Variants in CELF2 observed in about 807,000 individuals in gnomAD.
CELF2 encodes the protein CUG triplet repeat RNA-binding protein 2.
In CELF2, 8 loss-of-function variants were observed where a neutral mutation model predicts 62.6. That is an observed-to-expected ratio of 0.13 (90% CI 0.07 to 0.23). CELF2 has a LOEUF of 0.23. Ranked by LOEUF, CELF2 falls within the 10% of genes least tolerant of loss-of-function variation. The pLI is 1.00. For missense variants in CELF2, 333 were observed against 671.0 expected, an observed-to-expected ratio of 0.50 and a Z score of 5.56; for synonymous variants, 258 against 250.0, an observed-to-expected ratio of 1.03 and a Z score of -0.30.
At chr10:11,099,344 A>G (rs996464871) in intron 1 of CELF2, among the ~76,000 whole-genome samples, 1 of 152,212 alleles carries the variant, frequency 6.6e-6, no homozygotes, top group African/African-American at 2.4e-5. Flanking sequence ...AGTCACAAAA[A>G]CATTCGTATT....
At chr10:10,980,908 A>G (rs2052012429) in intron 2 of CELF2, among the ~76,000 whole-genome samples, 1 of 152,182 alleles carries the variant, frequency 6.6e-6, no homozygotes, top group South Asian at 2.1e-4. Flanking sequence ...GGCATGAGCC[A>G]CCACACACAG....
At chr10:10,521,509 T>G in the CELF2 span, among the ~76,000 whole-genome samples, 1 of 152,224 alleles carries the variant, frequency 6.6e-6, no homozygotes, top group Non-Finnish European at 1.5e-5. Flanking sequence ...CTCCATGTCA[T>G]GCACTAGGCT....
Position 11,334,914 on chromosome 10 carries a change from T to A in CELF2, c.*5861T>A, listed in dbSNP as rs749241332. ...GTTGCCCTCAATCAAAAGATATGTATAGAAAAGTCATTTAAATTATTTATT... is the reference window on the plus strand; with the variant it reads ...GTTGCCCTCAATCAAAAGATATGTAAAGAAAAGTCATTTAAATTATTTATT... On this transcript the variant is annotated 3_prime_UTR_variant, in exon 13 of 13. Coordinates refer to ENST00000633077, the MANE Select transcript of CELF2 (RefSeq NM_001326342.2). The A allele has an allele frequency of 6.6e-6, 1 of 152,228 alleles. No individual in the cohort carries two copies. The highest frequency in any genetic ancestry group is 2.4e-5 in the African/African-American group (1 of 41,456). 9.4% of individuals were successfully genotyped at this position (152,228 alleles called of 1,614,324 possible). A position where few individuals can be genotyped will look rare whatever the true frequency, so the allele number is the denominator to read the frequency against.
chr10:10,976,722 A>G (rs1293521590), intron 2 of CELF2, among the ~76,000 whole-genome samples: 1 of 152,140 alleles, frequency 6.6e-6, no homozygotes, highest in Non-Finnish European at 1.5e-5. Context: ...TAAGCTTGCA[A>G]TTCAAACCAC....
chr10:10,793,969 C>CT (rs1230908961), upstream of CELF2, among the ~76,000 whole-genome samples: 10 of 148,346 alleles, frequency 6.7e-5, no homozygotes, highest in Admixed American at 1.3e-4. Context: ...ACAATGTTTT[C>CT]TTTTTTTTGT....
chr10:11,140,648 G>T (rs904603317), intron 1 of CELF2, among the ~76,000 whole-genome samples: 1 of 152,004 alleles, frequency 6.6e-6, no homozygotes, highest in South Asian at 2.1e-4. Flanking sequence ...TATAAATTTC[G>T]CTATTTAAGA....
intron 1 of CELF2, among the ~76,000 whole-genome samples, chr10:10,857,321 C>G (rs1054409856): frequency 6.6e-6 from 1 of 151,876 alleles, no homozygotes; most frequent in African/African-American, 2.4e-5. Flanking sequence ...CAACCAGATG[C>G]AGTGAAAAGA....
chr10:11,055,615 A>C (rs1247447760), intron 1 of CELF2, among the ~76,000 whole-genome samples: 3 of 152,190 alleles, frequency 2.0e-5, no homozygotes, highest in African/African-American at 4.8e-5. Flanking sequence ...TCTAAACCTG[A>C]TATTCTGTGC....
chr10:10,567,673 T>A, the CELF2 span, among the ~76,000 whole-genome samples: 1 of 152,106 alleles, frequency 6.6e-6, no homozygotes, highest in African/African-American at 2.4e-5. Flanking sequence ...GATGCCTGAA[T>A]CTTGACCAGT....
chr10:10,688,741 C>A, the CELF2 span, among the ~76,000 whole-genome samples: 1 of 152,046 alleles, frequency 6.6e-6, no homozygotes, highest in South Asian at 2.1e-4. Context: ...GGCTCAGTGG[C>A]TCATGCCTGT....
the CELF2 span, among the ~76,000 whole-genome samples, chr10:10,756,561 C>T: frequency 5.3e-5 from 8 of 152,258 alleles, no homozygotes; most frequent in South Asian, 4.2e-4. Context: ...CACTGAACAT[C>T]AGGGATCCCT....
At position 11,237,555 on chromosome 10, in the gene CELF2, A is replaced by C. The variant is rs1320833587; in HGVS notation, c.355-11598A>C. On this transcript the variant is annotated intron_variant, in intron 3 of 12. Transcript: ENST00000633077. The surrounding 1 kb of genome is among the most constrained non-coding windows in gnomAD (Gnocchi z 4.0). The stretch of plus-strand genomic sequence containing the variant: ...TTCCCAATTTGAGGCCAGCACATGT[A>C]CCAGGTCGTCAAGGGGAGCCCAGGT... 6.6e-6 allele frequency among the ~76,000 whole-genome samples: 1 copy of C among 152,188 alleles called. No individual in the cohort carries two copies. The highest frequency in any genetic ancestry group is 1.5e-5 in the Non-Finnish European group (1 of 68,038).
At chr10:10,680,144 C>CGTATGTATGTAT in the CELF2 span, among the ~76,000 whole-genome samples, 42 of 150,648 alleles carry the variant, frequency 2.8e-4, no homozygotes, top group African/African-American at 9.1e-4. Flanking sequence ...TATGTATGTA[C>CGTATGTATGTAT]GTATGTATGT....
chr10:10,532,886 C>CAA, the CELF2 span, among the ~76,000 whole-genome samples: 7,110 of 137,494 alleles, frequency 0.052, 232 homozygotes, highest in African/African-American at 0.081. Context: ...GACAAAATCT[C>CAA]AAAAAAAAAA....
At chr10:10,933,397 A>AT (rs1217193817) in intron 2 of CELF2, among the ~76,000 whole-genome samples, 2 of 152,240 alleles carry the variant, frequency 1.3e-5, no homozygotes, top group East Asian at 3.8e-4. Context: ...AAATCAGGGT[A>AT]TTTAGCATAT....
At chr10:11,138,957 A>G (rs1427256633) in intron 1 of CELF2, among the ~76,000 whole-genome samples, 1 of 152,260 alleles carries the variant, frequency 6.6e-6, no homozygotes, top group African/African-American at 2.4e-5. Context: ...GGGAGTTAAT[A>G]TGTAATTACT....
At chr10:10,675,433 T>C in the CELF2 span, among the ~76,000 whole-genome samples, 1 of 152,178 alleles carries the variant, frequency 6.6e-6, no homozygotes, top group Non-Finnish European at 1.5e-5. Context: ...TTTTCTTTTG[T>C]TTGAAAATGA....
At chr10:10,587,647 G>A in the CELF2 span, among the ~76,000 whole-genome samples, 1 of 152,100 alleles carries the variant, frequency 6.6e-6, no homozygotes, top group Admixed American at 6.6e-5. Context: ...AGATCTATCT[G>A]TCCTTGTCCC....
intron 1 of CELF2, among the ~76,000 whole-genome samples, chr10:11,089,657 G>A (rs1594994201): frequency 6.6e-6 from 1 of 152,290 alleles, no homozygotes. Context: ...ACGAGGTAGA[G>A]AGAAGGCAGA....
Sources: allele counts gnomAD v4.1 joint callset (sites outside exome capture counted in the v4.1 genomes callset), GRCh38; gene constraint gnomAD v4.1.1; non-coding constraint Gnocchi (gnomAD v3.1); transcripts MANE v1.5; gene names NCBI Gene and HGNC (gene_info 2026-07-23, HGNC 2026-07-21).